Variants in GRID2 observed in about 807,000 individuals in gnomAD.
GRID2 encodes glutamate receptor ionotropic, delta-2.
GRID2 carries 33 observed loss-of-function variants against 114.8 expected under a neutral mutation model. That is an observed-to-expected ratio of 0.29 (90% confidence interval 0.22 to 0.38). The LOEUF is 0.38. GRID2 is among the 10% of genes least tolerant of loss of function. The pLI, the probability that GRID2 is intolerant of heterozygous loss-of-function variation, is 1.00. For synonymous variants in GRID2, 505 were observed against 449.9 expected (o/e 1.12, Z -1.55); for missense variants, 1,184 against 1,257.7 (o/e 0.94, Z 0.89).
rs142342957 is a variant in GRID2 at position 93,157,988 on chromosome 4, A to T, written c.735+47035A>T. On this transcript the variant is annotated intron_variant, in intron 4 of 15. Coordinates refer to ENST00000282020, the MANE Select transcript of GRID2 (RefSeq NM_001510.4). ...ACAGAGCGTTAAGCCAAGCATGACT[A>T]CAGTTGCACATGTAGTGTTATTTTA... Among the ~76,000 whole-genome samples, 651 of 152,028 alleles carry T rather than the reference A, an allele frequency of 4.3e-3. 9 individuals are homozygous for T. The highest frequency in any genetic ancestry group is 0.015 in the African/African-American group (628 of 41,538).
At chr4:93,042,692 C>CAT (rs917955921) in intron 2 of GRID2, among the ~76,000 whole-genome samples, 13 of 133,742 alleles carry the variant, frequency 9.7e-5, no homozygotes, top group Admixed American at 2.3e-4. Flanking sequence ...TATATATATG[C>CAT]ATATATATAT....
intron 2 of GRID2, among the ~76,000 whole-genome samples, chr4:93,083,722 A>T (rs966770602): frequency 6.6e-6 from 1 of 150,500 alleles, no homozygotes; most frequent in Admixed American, 6.7e-5. Context: ...AAAAAAATAC[A>T]TCCTTGATGC....
At chr4:93,678,452 A>G (rs1725145900) in intron 14 of GRID2, among the ~76,000 whole-genome samples, 1 of 150,818 alleles carries the variant, frequency 6.6e-6, no homozygotes, top group African/African-American at 2.5e-5. Flanking sequence ...CCTCGAGAAG[A>G]GCAACTCCAA....
At chr4:93,691,263 G>A (rs1241673623) in intron 14 of GRID2, among the ~76,000 whole-genome samples, 3 of 151,858 alleles carry the variant, frequency 2.0e-5, no homozygotes, top group Admixed American at 2.0e-4. Flanking sequence ...ATTTTATTCA[G>A]AGCATGAAAT....
chr4:92,384,496 A>T (rs1729787880), intron 1 of GRID2, among the ~76,000 whole-genome samples: 1 of 47,286 alleles, frequency 2.1e-5, no homozygotes, highest in Non-Finnish European at 3.5e-5. Flanking sequence ...TATATAATAA[A>T]AATATATATT....
chr4:93,123,182 C>A (rs1733954805), intron 4 of GRID2, among the ~76,000 whole-genome samples: 1 of 152,074 alleles, frequency 6.6e-6, no homozygotes, highest in African/African-American at 2.4e-5. Flanking sequence ...TTGCTACTAA[C>A]TTCTCCTAAC....
At chr4:93,237,051 G>A (rs1746882776) in intron 7 of GRID2, among the ~76,000 whole-genome samples, 1 of 151,838 alleles carries the variant, frequency 6.6e-6, no homozygotes, top group Non-Finnish European at 1.5e-5. Context: ...CCATTTAACA[G>A]ATCTAGTGTT....
At chr4:93,010,424 A>C (rs543527236) in intron 2 of GRID2, among the ~76,000 whole-genome samples, 9 of 151,986 alleles carry the variant, frequency 5.9e-5, no homozygotes, top group Non-Finnish European at 1.0e-4. Context: ...TTATTGCAAA[A>C]GGATACAACT....
At chr4:92,753,780 CTG>C (rs1737572807) in intron 2 of GRID2, among the ~76,000 whole-genome samples, 2 of 152,212 alleles carry the variant, frequency 1.3e-5, no homozygotes, top group Non-Finnish European at 2.9e-5. Context: ...ACATGAAAGA[CTG>C]TGGTAAAAAT....
At chr4:92,750,540 C>A (rs1389527605) in intron 2 of GRID2, among the ~76,000 whole-genome samples, 1 of 152,152 alleles carries the variant, frequency 6.6e-6, no homozygotes, top group Non-Finnish European at 1.5e-5. Flanking sequence ...AGAAATGATA[C>A]ACTTGCCCTC....
chr4:93,762,642 G>C (rs1001961191), intron 14 of GRID2, among the ~76,000 whole-genome samples: 3 of 152,096 alleles, frequency 2.0e-5, no homozygotes, highest in Non-Finnish European at 4.4e-5. Context: ...GCACAACAAG[G>C]GTAGAAGACC....
chr4:93,459,180 C>CAAAAAAAAA (rs57937928), intron 11 of GRID2, among the ~76,000 whole-genome samples: 2 of 50,042 alleles, frequency 4.0e-5, no homozygotes, highest in Admixed American at 3.6e-4. Flanking sequence ...AACTCCATCT[C>CAAAAAAAAA]AAAAAAAAAA....
At chr4:93,143,077 T>A (rs931765864) in intron 4 of GRID2, among the ~76,000 whole-genome samples, 1 of 152,234 alleles carries the variant, frequency 6.6e-6, no homozygotes, top group African/African-American at 2.4e-5. Context: ...AAATCCCATG[T>A]CTTGCCCCAG....
chr4:92,728,217 C>A (rs192130702), intron 2 of GRID2, among the ~76,000 whole-genome samples: 47 of 152,184 alleles, frequency 3.1e-4, no homozygotes, highest in Non-Finnish European at 5.3e-4. Flanking sequence ...CCCTACATAA[C>A]TCATTTCCTT....
intron 9 of GRID2, among the ~76,000 whole-genome samples, chr4:93,404,525 T>C (rs1368573140): frequency 1.3e-5 from 2 of 152,170 alleles, no homozygotes; most frequent in East Asian, 3.9e-4. Flanking sequence ...TTTCTTCATC[T>C]GTACAATGGA....
At chr4:92,413,175 C>A (rs1731423191) in intron 1 of GRID2, among the ~76,000 whole-genome samples, 1 of 152,146 alleles carries the variant, frequency 6.6e-6, no homozygotes, top group South Asian at 2.1e-4. Flanking sequence ...AATTTTTCAT[C>A]CCTCATCCCC....
At chr4:92,815,914 CAAAAAAAAAAAAAAAA>C (rs5860292) in intron 2 of GRID2, among the ~76,000 whole-genome samples, 2 of 46,864 alleles carry the variant, frequency 4.3e-5, no homozygotes, top group Non-Finnish European at 3.6e-5. Context: ...GACCCTGTCT[CAAAAAAAAAAAAAAAA>C]AAAAAAAAGG....
intron 11 of GRID2, among the ~76,000 whole-genome samples, chr4:93,472,598 T>G (rs915203352): frequency 2.6e-5 from 4 of 152,156 alleles, no homozygotes; most frequent in Non-Finnish European, 5.9e-5. Context: ...ATTTCAAAGT[T>G]TAAGCTGGTA....
At chr4:93,613,973 G>T (rs912211655) in intron 13 of GRID2, among the ~76,000 whole-genome samples, 8 of 151,838 alleles carry the variant, frequency 5.3e-5, no homozygotes, top group Non-Finnish European at 8.8e-5. Flanking sequence ...GATTCCGTGG[G>T]CGTAGGACCC....
Sources: gnomAD v4.1 joint callset for allele counts (sites outside exome capture counted in the v4.1 genomes callset) on GRCh38, gnomAD v4.1.1 for gene constraint, MANE v1.5 for transcripts, NCBI Gene and HGNC (gene_info 2026-07-23, HGNC 2026-07-21) for gene names.